ZC3H3: variants seen among roughly 807,000 people sequenced by gnomAD.
ZC3H3 encodes zinc finger CCCH domain-containing protein 3.
ZC3H3 carries 36 observed loss-of-function variants against 77.3 expected under a neutral mutation model. That is an observed-to-expected ratio of 0.47 (90% CI 0.36 to 0.61). The LOEUF (loss-of-function observed/expected upper bound fraction) is 0.61, where lower values mean the gene tolerates loss of function less well. Ranked by LOEUF, ZC3H3 falls within the 20% of genes least tolerant of loss-of-function variation. The probability of loss-of-function intolerance (pLI) is 0.00; values close to 1 mark genes in which losing one functional copy is unlikely to be tolerated. For synonymous variants in ZC3H3, 626 were observed against 555.2 expected, an observed-to-expected ratio of 1.13 and a Z score of -1.79; for missense variants, 1,331 against 1,312.2, an observed-to-expected ratio of 1.01 and a Z score of -0.22.
chr8:143,525,078 C>T (rs1457735963), intron 3 of ZC3H3, among the ~76,000 whole-genome samples: 2 of 42,648 alleles, frequency 4.7e-5, no homozygotes, highest in Non-Finnish European at 1.1e-4. Flanking sequence ...ATGCCATCTA[C>T]TCTCTCCGTG....
intron 4 of ZC3H3, among the ~76,000 whole-genome samples, chr8:143,491,565 C>T (rs943642156): frequency 6.6e-6 from 1 of 152,276 alleles, no homozygotes; most frequent in African/African-American, 2.4e-5. Flanking sequence ...ACACCCGGCT[C>T]GGGGCACATG....
intron 4 of ZC3H3, among the ~76,000 whole-genome samples, chr8:143,483,145 G>A (rs1285171251): frequency 2.6e-5 from 4 of 152,328 alleles, no homozygotes; most frequent in East Asian, 1.9e-4. Flanking sequence ...AGGAGCGGCC[G>A]GGGGGAGGCG....
intron 9 of ZC3H3, among the ~76,000 whole-genome samples, chr8:143,449,738 CAAACA>C (rs71316893): frequency 0.63 from 94,440 of 150,906 alleles, 29,753 homozygotes; most frequent in Middle Eastern, 0.66. Flanking sequence ...GTCAAAAAAA[CAAACA>C]AAACAAAACA....
intron 9 of ZC3H3, among the ~76,000 whole-genome samples, chr8:143,457,486 C>A (rs1251973102): frequency 3.9e-5 from 6 of 152,046 alleles, no homozygotes; most frequent in African/African-American, 1.4e-4. Context: ...AATCTCAGCA[C>A]TTTGGGAGGC....
chr8:143,478,657 G>A (rs911934218), intron 4 of ZC3H3, among the ~76,000 whole-genome samples: 7 of 152,208 alleles, frequency 4.6e-5, no homozygotes, highest in South Asian at 2.1e-4. Flanking sequence ...TTACAGGCAT[G>A]TGCCAACACG....
intron 10 of ZC3H3, 69 bp downstream of exon 10, chr8:143,440,867 C>A: frequency 1.5e-6 from 2 of 1,329,860 alleles, no homozygotes; most frequent in Non-Finnish European, 9.6e-7. Flanking sequence ...ACCAGAGGGC[C>A]CCGGGCATCT....
intron 3 of ZC3H3, among the ~76,000 whole-genome samples, chr8:143,512,806 A>G (rs2130437107): frequency 6.6e-6 from 1 of 152,352 alleles, no homozygotes; most frequent in South Asian, 2.1e-4. Context: ...CTCCTCCCAC[A>G]GAGCAGAGTT....
At chr8:143,463,645 G>A (rs563754892) in intron 9 of ZC3H3, among the ~76,000 whole-genome samples, 5 of 152,328 alleles carry the variant, frequency 3.3e-5, no homozygotes, top group East Asian at 3.9e-4. Flanking sequence ...CGTATCAGCC[G>A]GGGAGATCCC....
intron 4 of ZC3H3, among the ~76,000 whole-genome samples, chr8:143,477,214 C>G (rs558747760): frequency 3.3e-5 from 5 of 152,316 alleles, no homozygotes; most frequent in Admixed American, 1.3e-4. Context: ...AGCCCGGTGC[C>G]GGGGATGGGA....
Position 143,507,840 on chromosome 8 carries a change from G to C in ZC3H3, c.1621C>G (p.Arg541Gly). 1 of 1,610,666 alleles carries C rather than the reference G, an allele frequency of 6.2e-7. No homozygotes were observed. The highest frequency in any genetic ancestry group is 8.5e-7 in the Non-Finnish European group (1 of 1,178,762). The change falls in exon 4 of 12, where the codon CGC becomes GGC. Residue 541 changes from arginine (R) to glycine (G), a missense_variant. Physicochemically the swap from Arg to Gly is moderately radical, Grantham distance 125 (BLOSUM62 -2). This residue lies in a region of ZC3H3 where 978 missense variants were observed against 915.5 expected (regional missense o/e 1.07). Coordinates refer to ENST00000262577, the MANE Select transcript of ZC3H3 (RefSeq NM_015117.3). The part of the protein sequence containing the change: ...PTSKVIKTRY[R>G]IVKKTPASPL... ...GAGGCCGGCGTCTTCTTGACAATGC[G>C]GTAGCGGGTCTTGATCACCTTGCTG...
In ZC3H3 at chr8:143,451,441, G is replaced by A. The variant is rs193097161; in HGVS notation, c.2308-10321C>T. The stretch of plus-strand genomic sequence containing the variant: ...CGACAAAGGATGTTGTAGACACACC[G>A]ACATGCACCCATACGTTGAAAACCT... On this transcript the variant is annotated intron_variant, in intron 9 of 11. Coordinates refer to ENST00000262577, the MANE Select transcript of ZC3H3 (RefSeq NM_015117.3). 9.3e-4 allele frequency among the ~76,000 whole-genome samples: 142 copies of A among 152,202 alleles called. 4 individuals carry two copies. The South Asian group carries it at 0.028, about 30-fold the overall frequency.
At chr8:143,459,779 C>A (rs969234034) in intron 9 of ZC3H3, among the ~76,000 whole-genome samples, 12 of 151,904 alleles carry the variant, frequency 7.9e-5, no homozygotes, top group African/African-American at 2.9e-4. Flanking sequence ...TTAAAAAAAA[C>A]CAAAAACCTA....
chr8:143,514,709 G>C (rs938738908), intron 3 of ZC3H3, among the ~76,000 whole-genome samples: 4 of 152,190 alleles, frequency 2.6e-5, no homozygotes, highest in Admixed American at 6.5e-5. Context: ...CCCAGCCCAG[G>C]AGCTGGGCTC....
rs1386581462 is a variant in ZC3H3 at position 143,539,120 on chromosome 8, G to C, written c.247C>G (p.Pro83Ala). 1.2e-6 allele frequency: 2 copies of C among 1,612,692 alleles called. No individual in the cohort carries two copies. The highest frequency in any genetic ancestry group is 1.3e-5 in the African/African-American group (1 of 74,866). Reference sequence around the variant, plus strand: ...GCATGGTCGGCAGGAGGGTCTGAGGGTCCCGGGGGCCGATTCACGAGGGAG... The same window carrying C: ...GCATGGTCGGCAGGAGGGTCTGAGGCTCCCGGGGGCCGATTCACGAGGGAG... ...KYSLVNRPPG[P>A]SDPPADHAVR... The change falls in exon 2 of 12, where the codon CCC (proline) becomes GCC (alanine). Residue 83 changes from proline (P) to alanine (A), a missense_variant. Pro to Ala is a conservative substitution (Grantham distance 27). This residue lies in a region of ZC3H3 where 978 missense variants were observed against 915.5 expected (regional missense o/e 1.07). Transcript: ENST00000262577.
intron 3 of ZC3H3, among the ~76,000 whole-genome samples, chr8:143,509,453 G>A (rs1821806680): frequency 6.6e-6 from 1 of 152,324 alleles, no homozygotes; most frequent in East Asian, 1.9e-4. Context: ...CTTGGCACCT[G>A]GGCAGTCAGG....
chr8:143,476,353 G>T (rs953424690), intron 4 of ZC3H3, among the ~76,000 whole-genome samples: 1 of 152,198 alleles, frequency 6.6e-6, no homozygotes, highest in African/African-American at 2.4e-5. Flanking sequence ...ACAGCCCCTG[G>T]AGTTAGCTGA....
rs748552994 is a variant in ZC3H3 at position 143,538,291 on chromosome 8, G to C, written c.1076C>G (p.Pro359Arg). 2 of 1,612,842 alleles carry C rather than the reference G, an allele frequency of 1.2e-6. No homozygotes were observed. The highest frequency in any genetic ancestry group is 1.7e-5 in the Admixed American group (1 of 60,008). ...EKPQLIADPE[P>R]KPRKPATSSK... ...GGACGTGGCTGGCTTCCTGGGCTTG[G>C]GCTCTGGGTCAGCTATGAGCTGCGG... The change falls in exon 2 of 12, where the codon CCC (proline) becomes CGC (arginine). Residue 359 changes from proline to arginine, a missense_variant. By Grantham distance (103) the Pro-to-Arg change is moderately radical (BLOSUM62 -2). Coordinates refer to ENST00000262577, the MANE Select transcript of ZC3H3 (RefSeq NM_015117.3).
chr8:143,472,064 T>C (rs1820581868), intron 5 of ZC3H3, among the ~76,000 whole-genome samples: 1 of 151,626 alleles, frequency 6.6e-6, no homozygotes, highest in Admixed American at 6.6e-5. Context: ...ATAGCCCTAC[T>C]CGATGGCAGG....
In ZC3H3 at chr8:143,460,013, A is replaced by G. The variant is rs969685151; in HGVS notation, c.2307+5704T>C. ...TATAATCCCAGCACTTTGGGAGGCC[A>G]AGGCAGGCGGATCATCTGAGGTCAC... On this transcript the variant is annotated intron_variant, in intron 9 of 11. Transcript: ENST00000262577. The surrounding 1 kb of genome is among the most constrained non-coding windows in gnomAD (Gnocchi z 4.0). Among the ~76,000 whole-genome samples the G allele has an allele frequency of 1.3e-5, 2 of 151,902 alleles. No homozygotes were observed. Among genetic ancestry groups the G allele is most frequent in the African/African-American group, 4.9e-5 (2 of 41,224 alleles).
Sources: gnomAD v4.1 joint callset for allele counts (sites outside exome capture counted in the v4.1 genomes callset) on GRCh38, gnomAD v4.1.1 for gene constraint, gnomAD v4.1.1 regional missense constraint, Gnocchi (gnomAD v3.1) non-coding constraint, MANE v1.5 for transcripts, NCBI Gene and HGNC (gene_info 2026-07-23, HGNC 2026-07-21) for gene names.